Variants in ASTN1 observed in about 807,000 individuals in gnomAD.
The protein encoded by ASTN1 is astrotactin-1.
In ASTN1, 41 loss-of-function variants were observed where a neutral mutation model predicts 140.7. That is an observed-to-expected ratio of 0.29 (90% CI 0.23 to 0.38). The LOEUF (loss-of-function observed/expected upper bound fraction) is 0.38. Ranked by LOEUF, ASTN1 falls within the 10% of genes least tolerant of loss-of-function variation. ASTN1 has a pLI of 1.00. For synonymous variants in ASTN1, 640 were observed against 652.2 expected, an observed-to-expected ratio of 0.98 and a Z score of 0.29; for missense variants, 1,479 against 1,678.8, an observed-to-expected ratio of 0.88 and a Z score of 2.08.
At chr1:176,947,562 C>T (rs1263550074) in intron 12 of ASTN1, among the ~76,000 whole-genome samples, 1 of 152,194 alleles carries the variant, frequency 6.6e-6, no homozygotes, top group African/African-American at 2.4e-5. Flanking sequence ...GGTCCTACTA[C>T]ATTAGTCCAG....
intron 8 of ASTN1, among the ~76,000 whole-genome samples, chr1:176,992,479 T>G (rs774077960): frequency 6.6e-6 from 1 of 152,092 alleles, no homozygotes; most frequent in Non-Finnish European, 1.5e-5. Context: ...GAATTCTGCT[T>G]CTAAACTCAT....
intron 7 of ASTN1, among the ~76,000 whole-genome samples, chr1:177,016,001 C>G (rs527338098): frequency 1.4e-4 from 21 of 152,198 alleles, no homozygotes; most frequent in African/African-American, 5.1e-4. Flanking sequence ...GATGGGCATA[C>G]CATTTCTTTA....
chr1:176,987,732 A>G (rs1348098654), intron 8 of ASTN1, among the ~76,000 whole-genome samples: 2 of 151,980 alleles, frequency 1.3e-5, no homozygotes, highest in African/African-American at 2.4e-5. Flanking sequence ...CTTCCCTTCC[A>G]TCTTTCATTT....
intron 21 of ASTN1, among the ~76,000 whole-genome samples, chr1:176,870,852 A>G (rs924324812): frequency 6.6e-6 from 1 of 152,204 alleles, no homozygotes; most frequent in Non-Finnish European, 1.5e-5. Flanking sequence ...TCAAAGGCCT[A>G]TGATTGCCAA....
intron 8 of ASTN1, among the ~76,000 whole-genome samples, chr1:176,986,079 T>C (rs528852105): frequency 2.6e-5 from 4 of 152,306 alleles, no homozygotes; most frequent in East Asian, 1.9e-4. Context: ...CCTGCTCTTT[T>C]GTCCCTAGAA....
At chr1:177,123,046 C>T (rs1461781535) in intron 1 of ASTN1, among the ~76,000 whole-genome samples, 5 of 152,124 alleles carry the variant, frequency 3.3e-5, no homozygotes, top group Non-Finnish European at 7.4e-5. Flanking sequence ...GCTGGTTCTG[C>T]CTCGTTTATT....
chr1:177,104,282 A>G (rs1470936204), intron 1 of ASTN1, among the ~76,000 whole-genome samples: 1 of 152,160 alleles, frequency 6.6e-6, no homozygotes, highest in Non-Finnish European at 1.5e-5. Flanking sequence ...TTTAGTCTGC[A>G]TTTTGACAAT....
chr1:176,862,760 T>C lies in ASTN1; in HGVS notation c.*1524A>G, dbSNP rs1428693897. On this transcript the variant is annotated 3_prime_UTR_variant, in exon 23 of 23. Transcript: ENST00000361833. ...AGGAGTTGCTGTGAGAATTCAATGA[T>C]ACCTAAAGTGCTTACATCAGCGCCT... 1.0e-6 allele frequency: 1 copy of C among 957,142 alleles called. No individual in the cohort carries two copies. The highest frequency in any genetic ancestry group is 1.2e-4 in the East Asian group (1 of 8,668). 59.3% of individuals were successfully genotyped at this position (957,142 alleles called of 1,614,324 possible).
chr1:177,153,555 T>C (rs780978076), intron 1 of ASTN1, among the ~76,000 whole-genome samples: 67 of 152,112 alleles, frequency 4.4e-4, no homozygotes, highest in Admixed American at 2.6e-4. Flanking sequence ...ACCAAGTATT[T>C]AAATGCAAAA....
chr1:177,046,308 C>T (rs1571703704), intron 2 of ASTN1, among the ~76,000 whole-genome samples: 1 of 152,174 alleles, frequency 6.6e-6, no homozygotes, highest in South Asian at 2.1e-4. Flanking sequence ...ACTTTGACTC[C>T]ACTCTAATGG....
intron 1 of ASTN1, among the ~76,000 whole-genome samples, chr1:177,135,677 T>G (rs537759651): frequency 6.6e-6 from 1 of 152,294 alleles, no homozygotes; most frequent in South Asian, 2.1e-4. Context: ...CCATGCTCTG[T>G]CCATGACTGC....
At chr1:176,908,154 C>T (rs1455068397) in intron 16 of ASTN1, among the ~76,000 whole-genome samples, 2 of 151,930 alleles carry the variant, frequency 1.3e-5, no homozygotes, top group South Asian at 2.1e-4. Context: ...CACACACACA[C>T]ACACACAGAG....
intron 16 of ASTN1, among the ~76,000 whole-genome samples, chr1:176,917,803 G>A (rs991394517): frequency 2.6e-5 from 4 of 152,266 alleles, no homozygotes; most frequent in Admixed American, 2.0e-4. Flanking sequence ...GGACAAAGCT[G>A]TGTTCTGCAA....
At chr1:177,012,239 T>C (rs1165629998) in intron 8 of ASTN1, among the ~76,000 whole-genome samples, 1 of 152,250 alleles carries the variant, frequency 6.6e-6, no homozygotes, top group African/African-American at 2.4e-5. Flanking sequence ...GTGAGAATCA[T>C]TTAAAGAAAC....
At position 177,029,731 on chromosome 1, in the gene ASTN1, G is replaced by A. The variant is rs763615854; in HGVS notation, c.1023C>T (p.Ala341=). ...RINNKARAGS[A]FLNPEGDSGT... The stretch of plus-strand genomic sequence containing the variant: ...CAGAATCCCCTTCAGGGTTCAAGAA[G>A]GCGGAACCAGCTGTAATGAAAGCAG... The change falls in exon 5 of 23, where the codon GCC becomes GCT. Residue 341 remains alanine, a synonymous_variant. Coordinates refer to ENST00000361833, the MANE Select transcript of ASTN1 (RefSeq NM_004319.3). The A allele has an allele frequency of 1.7e-5, 28 of 1,611,294 alleles. No homozygotes were observed. The highest frequency in any genetic ancestry group is 2.4e-5 in the Non-Finnish European group (28 of 1,178,488).
rs759241220 is a variant in ASTN1 at position 176,899,512 on chromosome 1, G to A, written c.2672-4682C>T. 1.5e-3 allele frequency among the ~76,000 whole-genome samples: 236 copies of A among 152,280 alleles called. 2 individuals carry two copies. Among genetic ancestry groups the A allele is most frequent in the Non-Finnish European group, 3.1e-3 (210 of 68,028 alleles). On this transcript the variant is annotated intron_variant, in intron 16 of 22. Transcript: ENST00000361833. ...GGCAATGAGATGCTAATGACATCAC[G>A]GCTAGAATGACAGAAGCAGTTCATT...
chr1:177,028,084 C>G (rs1676218401), intron 5 of ASTN1, among the ~76,000 whole-genome samples: 1 of 152,100 alleles, frequency 6.6e-6, no homozygotes. Flanking sequence ...TAGGCATTCC[C>G]CACCCCTAAG....
At chr1:177,078,665 T>C (rs1420243121) in intron 1 of ASTN1, among the ~76,000 whole-genome samples, 1 of 152,206 alleles carries the variant, frequency 6.6e-6, no homozygotes, top group African/African-American at 2.4e-5. Flanking sequence ...ACGGCCCTTT[T>C]TTCAGTCTGC....
intron 18 of ASTN1, among the ~76,000 whole-genome samples, chr1:176,884,790 C>T (rs1402394960): frequency 6.6e-6 from 1 of 152,122 alleles, no homozygotes; most frequent in Non-Finnish European, 1.5e-5. Flanking sequence ...GAGGATAGGG[C>T]TTTTGGAGTA....
Sources: gnomAD v4.1 joint callset for allele counts (sites outside exome capture counted in the v4.1 genomes callset) on GRCh38, gnomAD v4.1.1 for gene constraint, MANE v1.5 for transcripts, NCBI Gene and HGNC (gene_info 2026-07-23, HGNC 2026-07-21) for gene names.